Variants in CCSER2 observed in about 807,000 individuals in gnomAD.
CCSER2 encodes the protein coiled-coil serine rich protein 2.
CCSER2 carries 46 observed loss-of-function variants against 92.3 expected under a neutral mutation model. The ratio of observed to expected loss-of-function variants is 0.50; its 90% confidence interval spans 0.39 to 0.64. CCSER2 has a LOEUF of 0.64. Ranked by LOEUF, CCSER2 falls within the 30% of genes least tolerant of loss-of-function variation. CCSER2 has a pLI of 0.00. For synonymous variants in CCSER2, 433 were observed against 431.4 expected (o/e 1.00, Z -0.04); for missense variants, 1,244 against 1,238.9 (o/e 1.00, Z -0.06).
intron 1 of CCSER2, among the ~76,000 whole-genome samples, chr10:84,367,042 T>C (rs1394612686): frequency 2.0e-5 from 3 of 152,208 alleles, no homozygotes; most frequent in Non-Finnish European, 4.4e-5. Context: ...CTTTGGAAGG[T>C]TATCCAGTTA....
At chr10:84,341,907 G>A (rs1302561187) in intron 1 of CCSER2, among the ~76,000 whole-genome samples, 1 of 152,218 alleles carries the variant, frequency 6.6e-6, no homozygotes, top group African/African-American at 2.4e-5. Flanking sequence ...GGGGCATGGA[G>A]CTTCTCTGTC....
At chr10:84,501,730 T>G (rs1196172682) in intron 9 of CCSER2, among the ~76,000 whole-genome samples, 1 of 141,824 alleles carries the variant, frequency 7.1e-6, no homozygotes, top group African/African-American at 2.5e-5. Context: ...TTTTTTTTTT[T>G]AAACCTTTCT....
chr10:84,432,895 G>A (rs1247461161), intron 5 of CCSER2, among the ~76,000 whole-genome samples: 4 of 151,984 alleles, frequency 2.6e-5, no homozygotes, highest in African/African-American at 9.7e-5. Flanking sequence ...CTTAATTTTT[G>A]TGAAAGATTT....
chr10:84,455,697 G>C, intron 6 of CCSER2: 1 of 761,474 alleles, frequency 1.3e-6, no homozygotes, highest in Non-Finnish European at 2.4e-6. Context: ...CTCCCACTTA[G>C]ATTCTTTACC....
At chr10:84,355,967 G>A (rs953347659) in intron 1 of CCSER2, among the ~76,000 whole-genome samples, 1 of 152,098 alleles carries the variant, frequency 6.6e-6, no homozygotes, top group Admixed American at 6.5e-5. Context: ...GCTGGATGTA[G>A]TGGCGGGCGC....
intron 6 of CCSER2, among the ~76,000 whole-genome samples, chr10:84,461,171 T>A (rs1466577021): frequency 6.6e-6 from 1 of 151,950 alleles, no homozygotes; most frequent in Non-Finnish European, 1.5e-5. Flanking sequence ...TCTTGAGACT[T>A]CTTCTTTGAC....
At chr10:84,389,281 T>C (rs1440110349) in intron 3 of CCSER2, 1 of 516,534 alleles carries the variant, frequency 1.9e-6, no homozygotes, top group Admixed American at 2.0e-5. Context: ...CTTTAATCGT[T>C]CCAGAGAGTT....
intron 4 of CCSER2, among the ~76,000 whole-genome samples, chr10:84,419,363 A>AAAAAAATAAAAT (rs1348836538): frequency 6.6e-6 from 1 of 151,272 alleles, no homozygotes; most frequent in Non-Finnish European, 1.5e-5. Flanking sequence ...CTCAAAAAAA[A>AAAAAAATAAAAT]AAAAATAAAA....
chr10:84,514,231 T>C lies in CCSER2; in HGVS notation c.3108T>C (p.Asn1036=). The change falls in exon 10 of 10, where the codon AAT becomes AAC. Residue 1036 remains asparagine (N), a synonymous_variant. Coordinates refer to ENST00000372088, the MANE Select transcript of CCSER2 (RefSeq NM_001284240.2). Reference sequence around the variant, plus strand: ...ATTCTGGGGATTGTTTGGCCTCTAATCGATATTCTCGTCTTCCTAAACCAA... The same window carrying C: ...ATTCTGGGGATTGTTTGGCCTCTAACCGATATTCTCGTCTTCCTAAACCAA... ...NLHSGDCLAS[N]RYSRLPKPKI... 1 of 1,536,374 alleles carries C rather than the reference T, an allele frequency of 6.5e-7. No homozygotes were observed. The highest frequency in any genetic ancestry group is 8.7e-7 in the Non-Finnish European group (1 of 1,146,930).
chr10:84,416,924 G>A (rs112084234), intron 3 of CCSER2, among the ~76,000 whole-genome samples: 15 of 151,762 alleles, frequency 9.9e-5, no homozygotes, highest in African/African-American at 3.4e-4. Context: ...GCGAGACTCC[G>A]TCTCAAAAAA....
chr10:84,445,301 C>T (rs1844842874), intron 6 of CCSER2, among the ~76,000 whole-genome samples: 1 of 152,024 alleles, frequency 6.6e-6, no homozygotes, highest in Non-Finnish European at 1.5e-5. Flanking sequence ...CTACAGGCGC[C>T]CGCCACCACG....
chr10:84,471,479 T>C (rs76804819), intron 8 of CCSER2, among the ~76,000 whole-genome samples: 3,544 of 152,202 alleles, frequency 0.023, 106 homozygotes, highest in Admixed American at 0.074. Context: ...GCACAAGATA[T>C]TGTGTCTTGT....
chr10:84,429,873 A>G (rs199926946), intron 5 of CCSER2, among the ~76,000 whole-genome samples: 3 of 35,320 alleles, frequency 8.5e-5, no homozygotes, highest in East Asian at 1.8e-3. Context: ...AAAAAATTTG[A>G]AAAAAAAAAA....
chr10:84,349,717 A>G (rs12413085), intron 1 of CCSER2, among the ~76,000 whole-genome samples: 8,874 of 152,284 alleles, frequency 0.058, 373 homozygotes, highest in Admixed American at 0.1. Context: ...GTACCTTTCT[A>G]TCCATCTACT....
At position 84,476,435 on chromosome 10, in the gene CCSER2, C is replaced by CTTTTT. The variant is rs35978182; in HGVS notation, c.2236-1117_2236-1113dup. On this transcript the variant is annotated intron_variant, in intron 8 of 9. Coordinates refer to ENST00000372088, the MANE Select transcript of CCSER2 (RefSeq NM_001284240.2). Reference sequence around the variant, plus strand: ...TTGTCACTAAGGGTGAATTCTCTCTCTTTTTTTTTTTTTTTTTTTTTTTTT... The same window carrying CTTTTT: ...TTGTCACTAAGGGTGAATTCTCTCTCTTTTTTTTTTTTTTTTTTTTTTTTTTTTTT... Among the ~76,000 whole-genome samples, 56 of 58,536 alleles carry CTTTTT rather than the reference C, an allele frequency of 9.6e-4. 3 individuals are homozygous for CTTTTT. Among genetic ancestry groups the CTTTTT allele is most frequent in the Non-Finnish European group, 1.0e-3 (34 of 33,168 alleles). The allele number at this position is 58,536 out of a possible 152,430, so 38.4% of individuals were successfully genotyped here.
At chr10:84,397,937 CAAAT>C (rs912636518) in intron 3 of CCSER2, among the ~76,000 whole-genome samples, 17 of 152,268 alleles carry the variant, frequency 1.1e-4, no homozygotes, top group Middle Eastern at 3.4e-3. Context: ...ACAGTAGAAA[CAAAT>C]AAGCCTAATT....
At chr10:84,451,713 T>C (rs1341417788) in intron 6 of CCSER2, among the ~76,000 whole-genome samples, 2 of 152,216 alleles carry the variant, frequency 1.3e-5, no homozygotes, top group Non-Finnish European at 2.9e-5. Flanking sequence ...AAAAAATTTG[T>C]AAATACTATT....
At chr10:84,499,776 C>T in intron 9 of CCSER2, 1 of 1,141,858 alleles carries the variant, frequency 8.8e-7, no homozygotes, top group East Asian at 2.4e-5. Flanking sequence ...AACACTATTG[C>T]TCTGTGTTAT....
chr10:84,380,738 G>A (rs962291541), intron 3 of CCSER2, among the ~76,000 whole-genome samples: 31 of 149,662 alleles, frequency 2.1e-4, no homozygotes, highest in Non-Finnish European at 3.4e-4. Flanking sequence ...GTGTCGCCCA[G>A]GCTGGAGTGC....
Sources: allele counts gnomAD v4.1 joint callset (sites outside exome capture counted in the v4.1 genomes callset), GRCh38; gene constraint gnomAD v4.1.1; transcripts MANE v1.5; gene names NCBI Gene and HGNC (gene_info 2026-07-23, HGNC 2026-07-21).